AGBL4: variants seen among roughly 807,000 people sequenced by gnomAD.
The protein encoded by AGBL4 is cytosolic carboxypeptidase 6.
AGBL4 carries 58 observed loss-of-function variants against 66.4 expected under a neutral mutation model. The ratio of observed to expected loss-of-function variants is 0.87; its 90% CI spans 0.71 to 1.09. The LOEUF is 1.09. AGBL4 is among the 50% of genes least tolerant of loss of function. The pLI is 0.00. For missense variants in AGBL4, 579 were observed against 631.0 expected (o/e 0.92, Z 0.88); for synonymous variants, 234 against 222.9 (o/e 1.05, Z -0.44).
chr1:49,346,870 C>T (rs1645641923), intron 3 of AGBL4, among the ~76,000 whole-genome samples: 1 of 152,148 alleles, frequency 6.6e-6, no homozygotes, highest in African/African-American at 2.4e-5. Flanking sequence ...TAAAATGAGA[C>T]TGAGACCTGC....
chr1:49,877,459 A>G (rs1395468664), intron 1 of AGBL4, among the ~76,000 whole-genome samples: 4 of 151,474 alleles, frequency 2.6e-5, no homozygotes, highest in Admixed American at 6.6e-5. Context: ...GCTGGATTAC[A>G]TTTATTGATT....
chr1:49,351,202 T>A (rs1643899172), intron 3 of AGBL4, among the ~76,000 whole-genome samples: 1 of 152,134 alleles, frequency 6.6e-6, no homozygotes, highest in African/African-American at 2.4e-5. Flanking sequence ...TTCCCCCGAA[T>A]TTTACAATGA....
intron 6 of AGBL4, among the ~76,000 whole-genome samples, chr1:48,795,906 A>G (rs1258112746): frequency 2.0e-5 from 3 of 152,204 alleles, no homozygotes; most frequent in Non-Finnish European, 2.9e-5. Context: ...CACCCGCCTC[A>G]GCCTCCCAAA....
intron 1 of AGBL4, among the ~76,000 whole-genome samples, chr1:49,940,216 G>A (rs544192934): frequency 6.6e-6 from 1 of 152,304 alleles, no homozygotes; most frequent in Admixed American, 6.5e-5. Flanking sequence ...GTGCTGGAGA[G>A]GATGTGGAGA....
intron 2 of AGBL4, among the ~76,000 whole-genome samples, chr1:49,750,161 CAT>C (rs1190619816): frequency 1.3e-5 from 2 of 151,964 alleles, no homozygotes; most frequent in Non-Finnish European, 2.9e-5. Flanking sequence ...AAAATCATAA[CAT>C]GTGTAGAAGA....
intron 5 of AGBL4, among the ~76,000 whole-genome samples, chr1:48,882,647 C>T (rs1027321228): frequency 5.9e-5 from 9 of 152,168 alleles, no homozygotes; most frequent in African/African-American, 1.9e-4. Flanking sequence ...AGAACACTCA[C>T]GATATATTCT....
intron 1 of AGBL4, among the ~76,000 whole-genome samples, chr1:49,854,245 T>G (rs1646377945): frequency 6.6e-6 from 1 of 151,340 alleles, no homozygotes; most frequent in African/African-American, 2.4e-5. Context: ...CAACCACACA[T>G]CAAATAAAGT....
At chr1:49,968,292 T>C (rs1309600706) in intron 1 of AGBL4, among the ~76,000 whole-genome samples, 1 of 151,854 alleles carries the variant, frequency 6.6e-6, no homozygotes, top group Non-Finnish European at 1.5e-5. Flanking sequence ...TTTTAAAGCA[T>C]TGGACATAAA....
At chr1:49,265,582 CTG>C (rs1570276478) in intron 3 of AGBL4, among the ~76,000 whole-genome samples, 1 of 152,136 alleles carries the variant, frequency 6.6e-6, no homozygotes, top group African/African-American at 2.4e-5. Flanking sequence ...CTACTTCTTA[CTG>C]TGTGATTTAT....
chr1:48,551,226 G>A (rs948663250), intron 11 of AGBL4, among the ~76,000 whole-genome samples: 1 of 152,146 alleles, frequency 6.6e-6, no homozygotes. Context: ...TAGAAGGCCA[G>A]GTTTAAAGTC....
rs537370897 is a variant in AGBL4 at position 49,990,990 on chromosome 1, C to T, written c.34+32773G>A. On this transcript the variant is annotated intron_variant, in intron 1 of 13. Coordinates refer to ENST00000371839, the MANE Select transcript of AGBL4 (RefSeq NM_032785.4). ...TAATCGTCATTAAAAAAACTCAAACCTAATAGGGTCATTTGAGAACTAACA... is the reference window on the plus strand; with the variant it reads ...TAATCGTCATTAAAAAAACTCAAACTTAATAGGGTCATTTGAGAACTAACA... 7.9e-4 allele frequency among the ~76,000 whole-genome samples: 120 copies of T among 151,982 alleles called. 1 individual carries two copies. The highest frequency in any genetic ancestry group is 2.8e-3 in the African/African-American group (117 of 41,434).
At chr1:49,766,206 A>G (rs1420087974) in intron 2 of AGBL4, among the ~76,000 whole-genome samples, 2 of 152,194 alleles carry the variant, frequency 1.3e-5, no homozygotes, top group African/African-American at 4.8e-5. Flanking sequence ...GTGAGAACAC[A>G]TATAAAAGAA....
At chr1:49,868,532 T>C (rs1266118154) in intron 1 of AGBL4, among the ~76,000 whole-genome samples, 1 of 152,178 alleles carries the variant, frequency 6.6e-6, no homozygotes, top group African/African-American at 2.4e-5. Context: ...TAATAAATGG[T>C]GCTAGTAAAA....
chr1:49,894,098 G>A (rs1251035575), intron 1 of AGBL4, among the ~76,000 whole-genome samples: 1 of 152,126 alleles, frequency 6.6e-6, no homozygotes, highest in African/African-American at 2.4e-5. Context: ...TCAGAGAATT[G>A]TCTGAATCTT....
At chr1:49,863,794 T>C (rs944057085) in intron 1 of AGBL4, among the ~76,000 whole-genome samples, 5 of 152,142 alleles carry the variant, frequency 3.3e-5, no homozygotes, top group African/African-American at 4.8e-5. Context: ...CTGGTAAGGA[T>C]GTAGAGAAAA....
At chr1:49,651,668 A>T (rs1352498901) in intron 3 of AGBL4, among the ~76,000 whole-genome samples, 1 of 152,036 alleles carries the variant, frequency 6.6e-6, no homozygotes, top group East Asian at 1.9e-4. Context: ...CATACACAAG[A>T]TACACTGCAG....
intron 2 of AGBL4, among the ~76,000 whole-genome samples, chr1:49,748,014 T>G (rs559189303): frequency 8.6e-4 from 131 of 152,150 alleles, no homozygotes; most frequent in Middle Eastern, 3.4e-3. Flanking sequence ...TTTACTTTTT[T>G]AATTATACTT....
At chr1:49,068,397 C>G (rs1410636366) in intron 4 of AGBL4, among the ~76,000 whole-genome samples, 1 of 127,046 alleles carries the variant, frequency 7.9e-6, no homozygotes, top group Non-Finnish European at 1.6e-5. Context: ...CACCCCCCAA[C>G]AGGCCCCAGT....
At chr1:48,554,487 T>A (rs2148287973) in intron 11 of AGBL4, among the ~76,000 whole-genome samples, 1 of 152,330 alleles carries the variant, frequency 6.6e-6, no homozygotes, top group South Asian at 2.1e-4. Context: ...TTATTCCTCA[T>A]TTTGAGACAT....
Sources: gnomAD v4.1 joint callset for allele counts (sites outside exome capture counted in the v4.1 genomes callset) on GRCh38, gnomAD v4.1.1 for gene constraint, MANE v1.5 for transcripts, NCBI Gene and HGNC (gene_info 2026-07-23, HGNC 2026-07-21) for gene names.